ROR2: variants seen among roughly 807,000 people sequenced by gnomAD.
ROR2 encodes tyrosine-protein kinase transmembrane receptor ROR2.
Under a neutral mutation model 74.9 loss-of-function variants are expected in ROR2, and 33 were observed. That is an observed-to-expected ratio of 0.44 (90% CI 0.33 to 0.59). The LOEUF is 0.59. Among genes scored for constraint, ROR2 ranks in the 20% least tolerant of loss-of-function variants. ROR2 has a pLI of 0.02. For missense variants in ROR2, 1,216 were observed against 1,313.8 expected, an observed-to-expected ratio of 0.93 and a Z score of 1.15; for synonymous variants, 586 against 558.7, an observed-to-expected ratio of 1.05 and a Z score of -0.69.
intron 1 of ROR2, among the ~76,000 whole-genome samples, chr9:91,830,159 G>C (rs1478390378): frequency 2.0e-5 from 3 of 152,120 alleles, no homozygotes; most frequent in African/African-American, 7.2e-5. Context: ...TGAATTTATA[G>C]ATTATGTCAT....
At chr9:91,885,959 C>A (rs911153009) in intron 1 of ROR2, among the ~76,000 whole-genome samples, 1 of 151,004 alleles carries the variant, frequency 6.6e-6, no homozygotes, top group Admixed American at 6.6e-5. Context: ...CTGCAACCTC[C>A]GCTTCCGGGG....
rs879432849 is a variant in ROR2, at chr9:91,905,825, C to CT, written c.97+44041dup. On this transcript the variant is annotated intron_variant, in intron 1 of 8. Transcript: ENST00000375708. This position sits in a 1 kb window ranked among gnomAD's most constrained non-coding sequence, Gnocchi z 5.3. ...AGAACTAAGAGAGGGAGCCAATCAACTTTTTTTTTTTAAGAGCTAAGAGCA... is the reference window on the plus strand; with the variant it reads ...AGAACTAAGAGAGGGAGCCAATCAACTTTTTTTTTTTTAAGAGCTAAGAGCA... Among the ~76,000 whole-genome samples, 63 of 147,094 alleles carry CT rather than the reference C, an allele frequency of 4.3e-4. No homozygotes were observed. The highest frequency in any genetic ancestry group is 7.5e-4 in the Admixed American group (11 of 14,752).
chr9:91,867,756 G>A (rs77204157), intron 1 of ROR2, among the ~76,000 whole-genome samples: 6,365 of 148,052 alleles, frequency 0.043, 174 homozygotes, highest in East Asian at 0.095. Context: ...CACCACCCCC[G>A]TCCCAGTCTG....
Position 91,726,614 on chromosome 9 carries a change from G to A in ROR2, c.1313C>T (p.Thr438Ile), listed in dbSNP as rs753164803. The A allele has an allele frequency of 6.2e-7, 1 of 1,613,996 alleles. No homozygotes were observed. Among genetic ancestry groups the A allele is most frequent in the South Asian group, 1.1e-5 (1 of 91,066 alleles). Residue 438 changes from threonine (T) to isoleucine (I), a missense_variant, in exon 8 of 9, where the codon ACA becomes ATA. Transcript: ENST00000375708. ...GGCCATCAGCTGTCGCCGCTGCGGT[G>A]TGGACGCAGATGCCTTCTGCTTATT... is the stretch of plus-strand genomic sequence containing the variant. ...CRNKQKASAS[T>I]PQRRQLMASP...
chr9:91,736,575 T>C (rs749188527), intron 5 of ROR2, among the ~76,000 whole-genome samples: 67 of 152,196 alleles, frequency 4.4e-4, no homozygotes, highest in Non-Finnish European at 6.5e-4. Flanking sequence ...TCTTGCTCCT[T>C]ATGGGATCTG....
chr9:91,922,680 C>A (rs1393223341), intron 1 of ROR2, among the ~76,000 whole-genome samples: 1 of 152,148 alleles, frequency 6.6e-6, no homozygotes, highest in Non-Finnish European at 1.5e-5. Flanking sequence ...GTCTCGATCT[C>A]CTGACCTCGT....
At chr9:91,731,235 C>A in intron 6 of ROR2, 80 bp from the exon 7 acceptor site, 1 of 1,589,842 alleles carries the variant, frequency 6.3e-7, no homozygotes, top group South Asian at 1.1e-5. Flanking sequence ...ACTAGAATTT[C>A]CAAAAGATCC....
chr9:91,817,040 T>C (rs902633404), intron 1 of ROR2, among the ~76,000 whole-genome samples: 1 of 152,220 alleles, frequency 6.6e-6, no homozygotes, highest in African/African-American at 2.4e-5. Flanking sequence ...ATAGACTGCC[T>C]GTGGGGAGAC....
chr9:91,726,679 C>G lies in ROR2; in HGVS notation c.1248G>C (p.Leu416=). The change falls in exon 8 of 9, where the codon CTG becomes CTC. Residue 416 remains leucine (L), a synonymous_variant. Transcript: ENST00000375708. Reference sequence around the variant, plus strand: ...CCAAGAAGAAAAGGCAAGCGATGACCAGTGGAATTGCGATGCTGGGGACCA... The same window carrying G: ...CCAAGAAGAAAAGGCAAGCGATGACGAGTGGAATTGCGATGCTGGGGACCA... ...YILVPSIAIP[L]VIACLFFLVC... is the part of the protein sequence containing the mutation. 4.3e-6 allele frequency: 7 copies of G among 1,613,952 alleles called. No homozygotes were observed. The highest frequency in any genetic ancestry group is 5.9e-6 in the Non-Finnish European group (7 of 1,180,002).
chr9:91,748,207 GGA>G (rs774318875), intron 4 of ROR2, among the ~76,000 whole-genome samples: 5 of 151,996 alleles, frequency 3.3e-5, no homozygotes, highest in Non-Finnish European at 7.4e-5. Context: ...CCTGGGAGGC[GGA>G]GGTTTCAGTG....
At chr9:91,820,679 C>CA (rs1188068078) in intron 1 of ROR2, among the ~76,000 whole-genome samples, 5 of 152,190 alleles carry the variant, frequency 3.3e-5, no homozygotes, top group Non-Finnish European at 5.9e-5. Flanking sequence ...TTGTGTCCCC[C>CA]AAAATCACAT....
chr9:91,915,632 G>A (rs1017469616), intron 1 of ROR2, among the ~76,000 whole-genome samples: 1 of 151,616 alleles, frequency 6.6e-6, no homozygotes, highest in Non-Finnish European at 1.5e-5. Flanking sequence ...GGTTGCTGCT[G>A]CTGTCTTGGG....
intron 2 of ROR2, among the ~76,000 whole-genome samples, chr9:91,772,331 T>A (rs890130012): frequency 6.6e-6 from 1 of 152,216 alleles, no homozygotes; most frequent in Non-Finnish European, 1.5e-5. Flanking sequence ...GGCGCCAGCA[T>A]CAGCTACTGT....
In ROR2 at chr9:91,948,563, A is replaced by C. The variant is rs372749607; in HGVS notation, c.97+1304T>G. 4.4e-3 allele frequency: 4,306 copies of C among 969,198 alleles called. 74 individuals carry two copies. The African/African-American group carries it at 0.053, about 12-fold the overall frequency. 60.0% of individuals were successfully genotyped at this position (969,198 alleles called of 1,614,324 possible). ...GTAATCAACATCTGCTTAAACTAAA[A>C]CCCCCCCCCAGGAAAGACTGTGCAG... On this transcript the variant is annotated intron_variant, in intron 1 of 8. Coordinates refer to ENST00000375708, the MANE Select transcript of ROR2 (RefSeq NM_004560.4).
At chr9:91,902,738 A>T (rs1016459459) in intron 1 of ROR2, among the ~76,000 whole-genome samples, 1 of 152,260 alleles carries the variant, frequency 6.6e-6, no homozygotes, top group African/African-American at 2.4e-5. Flanking sequence ...TAAACATTTT[A>T]TCTGCACTGG....
In ROR2 at chr9:91,723,517, G is replaced by C; in HGVS notation, c.*145C>G. On this transcript the variant is annotated 3_prime_UTR_variant, in exon 9 of 9. Coordinates refer to ENST00000375708, the MANE Select transcript of ROR2 (RefSeq NM_004560.4). ...TGTGTCAGAGGACAGAGAGGAGCAG[G>C]GCTCCACCTCACCCAGTCTGCAAAC... The C allele has an allele frequency of 7.9e-7, 1 of 1,265,422 alleles. No homozygotes were observed. Among genetic ancestry groups the C allele is most frequent in the Non-Finnish European group, 1.1e-6 (1 of 915,214 alleles). The allele number at this position is 1,265,422 out of a possible 1,614,324, so 78.4% of individuals were successfully genotyped here.
rs563831720 is a variant in ROR2 at position 91,763,830 on chromosome 9, T to C, written c.176-6271A>G. Among the ~76,000 whole-genome samples the C allele has an allele frequency of 1.6e-4, 24 of 152,376 alleles. No individual in the cohort carries two copies. The South Asian group carries it at 4.3e-3, about 28-fold the overall frequency. Reference sequence around the variant, plus strand: ...TTTTAGCTATGAGTTATTTAAAGTGTGCTTTAATTGCACTGTTGTCACAGA... The same window carrying C: ...TTTTAGCTATGAGTTATTTAAAGTGCGCTTTAATTGCACTGTTGTCACAGA... On this transcript the variant is annotated intron_variant, in intron 2 of 8. Coordinates refer to ENST00000375708, the MANE Select transcript of ROR2 (RefSeq NM_004560.4).
intron 1 of ROR2, among the ~76,000 whole-genome samples, chr9:91,931,016 C>T (rs1329963712): frequency 6.6e-6 from 1 of 151,840 alleles, no homozygotes; most frequent in Non-Finnish European, 1.5e-5. Flanking sequence ...AGATATTTTA[C>T]ATAAAAGTCA....
intron 1 of ROR2, among the ~76,000 whole-genome samples, chr9:91,793,259 AAT>A (rs1827061330): frequency 6.6e-6 from 1 of 152,180 alleles, no homozygotes; most frequent in Non-Finnish European, 1.5e-5. Context: ...GGAATTTGAG[AAT>A]AGAGAAATGA....
Sources: gnomAD v4.1 joint callset for allele counts (sites outside exome capture counted in the v4.1 genomes callset) on GRCh38, gnomAD v4.1.1 for gene constraint, Gnocchi (gnomAD v3.1) non-coding constraint, MANE v1.5 for transcripts, NCBI Gene and HGNC (gene_info 2026-07-23, HGNC 2026-07-21) for gene names.